The following LARGE1 variants were observed in gnomAD, a reference collection of about 807,000 sequenced individuals.
LARGE1 encodes LARGE xylosyl- and glucuronyltransferase 1.
A neutral mutation model predicts 87.6 loss-of-function variants in LARGE1; 43 were observed. That is an observed-to-expected ratio of 0.49 (90% CI 0.38 to 0.63). LARGE1 has a LOEUF of 0.63. Among genes scored for constraint, LARGE1 ranks in the 30% least tolerant of loss-of-function variants. LARGE1 has a pLI of 0.00. For missense variants in LARGE1, 802 were observed against 1,000.2 expected (o/e 0.80, Z 2.67); for synonymous variants, 434 against 394.6 (o/e 1.10, Z -1.18).
chr22:33,465,172 C>T (rs1439675411), intron 6 of LARGE1, among the ~76,000 whole-genome samples: 4 of 152,140 alleles, frequency 2.6e-5, no homozygotes, highest in Admixed American at 6.5e-5. Context: ...ATCTCACTAA[C>T]GTAATTTGAG....
At chr22:33,644,273 A>G (rs564238231) in intron 3 of LARGE1, among the ~76,000 whole-genome samples, 152 of 152,350 alleles carry the variant, frequency 1.0e-3, no homozygotes, top group Non-Finnish European at 1.9e-3. Context: ...AAATCAATAA[A>G]TGTAATCCAT....
intron 11 of LARGE1, among the ~76,000 whole-genome samples, chr22:33,307,832 G>C (rs536172463): frequency 1.3e-5 from 2 of 151,490 alleles, no homozygotes. Context: ...GCAGTGGTGC[G>C]ATCTCGGCTC....
intron 1 of LARGE1, among the ~76,000 whole-genome samples, chr22:33,868,443 TAGG>T (rs2064173763): frequency 6.6e-6 from 1 of 152,164 alleles, no homozygotes; most frequent in Admixed American, 6.5e-5. Flanking sequence ...GGATTCCTGC[TAGG>T]AGTTCACCTG....
At chr22:33,308,027 G>A (rs114782728) in intron 11 of LARGE1, among the ~76,000 whole-genome samples, 3,247 of 152,152 alleles carry the variant, frequency 0.021, 104 homozygotes, top group African/African-American at 0.075. Context: ...ACCCCATCGA[G>A]CCCACCACTG....
intron 1 of LARGE1, among the ~76,000 whole-genome samples, chr22:33,845,789 T>C (rs553364843): frequency 6.6e-6 from 1 of 152,270 alleles, no homozygotes; most frequent in South Asian, 2.1e-4. Context: ...GTTTCCTCTC[T>C]AACCTACTCA....
Position 33,748,024 on chromosome 22 carries a change from C to CAAAAAAAAAAAA in LARGE1, c.106+13335_106+13346dup, listed in dbSNP as rs535230421. 2.8e-4 allele frequency among the ~76,000 whole-genome samples: 6 copies of CAAAAAAAAAAAA among 21,736 alleles called. 2 individuals are homozygous for CAAAAAAAAAAAA. The East Asian group carries it at 6.1e-3, about 22-fold the overall frequency. 14.3% of individuals were successfully genotyped at this position (21,736 alleles called of 152,430 possible). A position where few individuals can be genotyped will look rare whatever the true frequency, so the allele number is the denominator to read the frequency against. ...GGGCACTGTGTGCCCTCTGCTGGAG[C>CAAAAAAAAAAAA]AAAAAAAAAAAAAAAAAAAAAAAAA... is the stretch of plus-strand genomic sequence containing the variant. On this transcript the variant is annotated intron_variant, in intron 2 of 14. Transcript: ENST00000397394.
chr22:33,283,094 G>T, intron 13 of LARGE1, 108 bp downstream of exon 13: 2 of 1,393,280 alleles, frequency 1.4e-6, no homozygotes, highest in Non-Finnish European at 2.0e-6. Flanking sequence ...CCTCACAATG[G>T]ACTAAGGCGA....
intron 6 of LARGE1, among the ~76,000 whole-genome samples, chr22:33,531,830 A>G (rs1463734756): frequency 6.6e-6 from 1 of 152,232 alleles, no homozygotes; most frequent in Non-Finnish European, 1.5e-5. Context: ...AGAGGAAGTT[A>G]GAAAGAATGG....
intron 6 of LARGE1, among the ~76,000 whole-genome samples, chr22:33,559,982 G>C (rs999857735): frequency 6.6e-6 from 1 of 151,928 alleles, no homozygotes; most frequent in African/African-American, 2.4e-5. Context: ...ATCTAACTTC[G>C]GTCTCTCCAA....
At chr22:33,817,362 T>C (rs1302588519) in intron 1 of LARGE1, among the ~76,000 whole-genome samples, 1 of 152,204 alleles carries the variant, frequency 6.6e-6, no homozygotes, top group Non-Finnish European at 1.5e-5. Context: ...TAAATTCATT[T>C]AATGCTTGAA....
intron 1 of LARGE1, among the ~76,000 whole-genome samples, chr22:33,871,894 A>G (rs1220528669): frequency 6.6e-6 from 1 of 152,028 alleles, no homozygotes; most frequent in Non-Finnish European, 1.5e-5. Flanking sequence ...TTGAAGAACT[A>G]AAGTCCATAG....
chr22:33,862,072 G>A lies in LARGE1; in HGVS notation c.-83+57923C>T, dbSNP rs143809082. Among the ~76,000 whole-genome samples the A allele has an allele frequency of 5.8e-3, 877 of 151,950 alleles. 5 individuals carry two copies. Among genetic ancestry groups the A allele is most frequent in the Non-Finnish European group, 9.0e-3 (612 of 67,960 alleles). On this transcript the variant is annotated intron_variant, in intron 1 of 14. Coordinates refer to ENST00000397394, the MANE Select transcript of LARGE1 (RefSeq NM_133642.5). Reference sequence around the variant, plus strand: ...CAGAGGGTCTCACCATGTTGGCCAGGCTGGTCTTGAACTCCTGACCTCAAA... The same window carrying A: ...CAGAGGGTCTCACCATGTTGGCCAGACTGGTCTTGAACTCCTGACCTCAAA...
At position 33,915,868 on chromosome 22, in the gene LARGE1, GATACT is replaced by G. The variant is rs546809539; in HGVS notation, c.-83+4122_-83+4126del. Among the ~76,000 whole-genome samples the G allele has an allele frequency of 2.2e-3, 338 of 152,262 alleles. 3 individuals carry two copies. Among genetic ancestry groups the G allele is most frequent in the African/African-American group, 7.7e-3 (319 of 41,554 alleles). On this transcript the variant is annotated intron_variant, in intron 1 of 14. Coordinates refer to ENST00000397394, the MANE Select transcript of LARGE1 (RefSeq NM_133642.5). ...ACTATTCTCCATACACACCACAATA[GATACT>G]TTAGGGTTTCCATGCTGTTCTTTCT...
chr22:33,414,110 C>T (rs1352144238), intron 7 of LARGE1, among the ~76,000 whole-genome samples: 1 of 152,010 alleles, frequency 6.6e-6, no homozygotes, highest in South Asian at 2.1e-4. Flanking sequence ...TTTGGAGGAA[C>T]CGCCATACTG....
chr22:33,557,548 C>G (rs2077728290), intron 6 of LARGE1, among the ~76,000 whole-genome samples: 1 of 152,152 alleles, frequency 6.6e-6, no homozygotes, highest in South Asian at 2.1e-4. Context: ...TTTATCAATA[C>G]TGGGAGTGCA....
At chr22:33,877,749 C>A (rs967781164) in intron 1 of LARGE1, among the ~76,000 whole-genome samples, 1 of 151,812 alleles carries the variant, frequency 6.6e-6, no homozygotes, top group African/African-American at 2.4e-5. Flanking sequence ...ATGGTGAAAC[C>A]GTGTCTCTAC....
At chr22:33,104,344 C>A in the LARGE1 span, among the ~76,000 whole-genome samples, 3 of 152,198 alleles carry the variant, frequency 2.0e-5, no homozygotes, top group Non-Finnish European at 4.4e-5. Flanking sequence ...TGAATGATTT[C>A]TGTTTCTGTT....
chr22:33,541,061 G>C (rs1312130692), intron 6 of LARGE1, among the ~76,000 whole-genome samples: 4 of 98,626 alleles, frequency 4.1e-5, no homozygotes, highest in South Asian at 6.0e-4. Flanking sequence ...TTGCGGGGGG[G>C]GGGGGGCGGG....
the LARGE1 span, among the ~76,000 whole-genome samples, chr22:33,072,435 G>A: frequency 0.097 from 14,795 of 152,104 alleles, 848 homozygotes; most frequent in African/African-American, 0.17. Flanking sequence ...TCATGGCAAG[G>A]GGAATCATTT....
Sources: gnomAD v4.1 joint callset for allele counts (sites outside exome capture counted in the v4.1 genomes callset) on GRCh38, gnomAD v4.1.1 for gene constraint, MANE v1.5 for transcripts, NCBI Gene and HGNC (gene_info 2026-07-23, HGNC 2026-07-21) for gene names.